Variants in GLB1L3 observed in about 807,000 individuals in gnomAD.
GLB1L3 encodes the protein galactosidase beta 1 like 3.
Under a neutral mutation model 89.5 loss-of-function variants are expected in GLB1L3, and 89 were observed. The ratio of observed to expected loss-of-function variants is 0.99; its 90% CI spans 0.84 to 1.19. The LOEUF (loss-of-function observed/expected upper bound fraction) is 1.19. Ranked by LOEUF, GLB1L3 falls within the 50% of genes most tolerant of loss-of-function variation. The pLI is 0.00. For missense variants in GLB1L3, 812 were observed against 813.3 expected, an observed-to-expected ratio of 1.00 and a Z score of 0.02; for synonymous variants, 314 against 312.3, an observed-to-expected ratio of 1.01 and a Z score of -0.06.
In GLB1L3 at chr11:134,308,229, C is replaced by CCATCACCATCAT. The variant is rs1565412539; in HGVS notation, c.961+1023_961+1024insTCACCATCATCA. On this transcript the variant is annotated intron_variant, in intron 10 of 19. Coordinates refer to ENST00000431683, the MANE Select transcript of GLB1L3 (RefSeq NM_001080407.3). ...ACCACCACCACCATCACCATCACCA[C>CCATCACCATCAT]CACCACCATCACCATCACCACCATC... 7.9e-5 allele frequency among the ~76,000 whole-genome samples: 2 copies of CCATCACCATCAT among 25,202 alleles called. 1 individual carries two copies. Among genetic ancestry groups the CCATCACCATCAT allele is most frequent in the Non-Finnish European group, 1.5e-4 (2 of 13,124 alleles). The allele number at this position is 25,202 out of a possible 152,430, so 16.5% of individuals were successfully genotyped here.
intron 6 of GLB1L3, chr11:134,287,114 T>C (rs1333256461): frequency 2.0e-5 from 3 of 152,028 alleles, no homozygotes; most frequent in Non-Finnish European, 2.9e-5. Flanking sequence ...GGAGCCAAGA[T>C]GGCGCCACCG....
intron 6 of GLB1L3, among the ~76,000 whole-genome samples, chr11:134,288,410 C>G (rs747219451): frequency 6.6e-6 from 1 of 152,154 alleles, no homozygotes; most frequent in African/African-American, 2.4e-5. Context: ...CCCAGAGCCA[C>G]GTTCCTGATC....
intron 7 of GLB1L3, among the ~76,000 whole-genome samples, chr11:134,289,612 C>G (rs1471727482): frequency 1.3e-5 from 2 of 152,166 alleles, no homozygotes; most frequent in Non-Finnish European, 2.9e-5. Context: ...TCTCTATGAC[C>G]CACGACTCTC....
intron 13 of GLB1L3, chr11:134,312,108 T>C (rs1481623959): frequency 6.5e-6 from 3 of 461,010 alleles, no homozygotes; most frequent in African/African-American, 5.9e-5. Flanking sequence ...ATTTCCTCTG[T>C]TAATCAGTTC....
At chr11:134,284,285 A>T (rs551498580) in intron 6 of GLB1L3, among the ~76,000 whole-genome samples, 1 of 152,210 alleles carries the variant, frequency 6.6e-6, no homozygotes, top group East Asian at 1.9e-4. Flanking sequence ...CTTTTTAGAG[A>T]TTTTATCAGC....
rs1031103809 is a variant in GLB1L3 at position 134,277,353 on chromosome 11, G to A, written c.51G>A (p.Ala17=). Residue 17 remains alanine (A), a synonymous_variant, in exon 2 of 20, where the codon GCG becomes GCA. Coordinates refer to ENST00000431683, the MANE Select transcript of GLB1L3 (RefSeq NM_001080407.3). ...LSPCLSWKRM[A]GIFFLPFISS... ...CGTGTCTCTCCTGGAAGAGAATGGC[G>A]GGCATCTTTTTCCTGCCATTTATCT... is the stretch of plus-strand genomic sequence containing the variant. The A allele has an allele frequency of 1.9e-6, 3 of 1,613,872 alleles. No individual in the cohort carries two copies. The African/African-American group carries it at 4.0e-5, about 22-fold the overall frequency.
At chr11:134,308,381 CACCACCATCACCACCAT>C in intron 10 of GLB1L3, among the ~76,000 whole-genome samples, 2 of 62,414 alleles carry the variant, frequency 3.2e-5, no homozygotes. Context: ...CCACCACCAT[CACCACCATCACCACCAT>C]CACCATCACC....
chr11:134,287,995 C>T (rs184532644), intron 6 of GLB1L3, among the ~76,000 whole-genome samples: 1 of 152,290 alleles, frequency 6.6e-6, no homozygotes, highest in East Asian at 1.9e-4. Context: ...ACAAAAAGCT[C>T]AGACCTTGGC....
chr11:134,312,920 G>T, intron 15 of GLB1L3, 33 bp downstream of exon 15: 1 of 1,419,434 alleles, frequency 7.0e-7, no homozygotes, highest in African/African-American at 1.4e-5. Context: ...TGATGCCCTC[G>T]ACCCCCCTCA....
chr11:134,315,712 A>G (rs778623646), intron 18 of GLB1L3, among the ~76,000 whole-genome samples: 1 of 152,130 alleles, frequency 6.6e-6, no homozygotes, highest in Non-Finnish European at 1.5e-5. Flanking sequence ...AACACTATCA[A>G]TTTTATTAAT....
At chr11:134,287,667 A>G (rs991248663) in intron 6 of GLB1L3, among the ~76,000 whole-genome samples, 32 of 152,250 alleles carry the variant, frequency 2.1e-4, no homozygotes, top group Admixed American at 6.5e-5. Flanking sequence ...GCTGAGCGCC[A>G]GGGCCTGTGT....
intron 9 of GLB1L3, among the ~76,000 whole-genome samples, chr11:134,304,679 T>A (rs1942103723): frequency 6.6e-6 from 1 of 152,178 alleles, no homozygotes; most frequent in African/African-American, 2.4e-5. Context: ...TTTAGCTCCT[T>A]ATATTTCCTT....
chr11:134,313,837 C>T lies in GLB1L3; in HGVS notation c.1580-104C>T, dbSNP rs143828562. 1.3e-3 allele frequency: 981 copies of T among 753,330 alleles called. 9 individuals are homozygous for T. In the Middle Eastern group the frequency reaches 0.015, roughly 12 times the overall value. 46.7% of individuals were successfully genotyped at this position (753,330 alleles called of 1,614,324 possible). On this transcript the variant is annotated intron_variant, in intron 16 of 19. Transcript: ENST00000431683. Reference sequence around the variant, plus strand: ...AAATGTTTGCCCTCCTGGCTGTGCCCCTGTCCTAAGGCATGTACAAGTCTG... The same window carrying T: ...AAATGTTTGCCCTCCTGGCTGTGCCTCTGTCCTAAGGCATGTACAAGTCTG...
At chr11:134,277,138 T>A (rs1940412013) in intron 1 of GLB1L3, 188 bp from the exon 2 acceptor site, 1 of 720,530 alleles carries the variant, frequency 1.4e-6, no homozygotes, top group African/African-American at 1.7e-5. Flanking sequence ...GCCTTCATCC[T>A]GGCTGCAGAG....
intron 11 of GLB1L3, 61 bp downstream of exon 11, chr11:134,309,824 G>C (rs1222305220): frequency 1.3e-6 from 2 of 1,578,840 alleles, no homozygotes; most frequent in Admixed American, 3.6e-5. Flanking sequence ...TTACAGAGGA[G>C]GCTCCGGAAG....
Position 134,283,745 on chromosome 11 carries a change from T to C in GLB1L3, c.536T>C (p.Leu179Pro), listed in dbSNP as rs746064989. 2.5e-6 allele frequency: 4 copies of C among 1,610,206 alleles called. No individual in the cohort carries two copies. The East Asian group carries it at 6.7e-5, about 27-fold the overall frequency. ...GCCCCTCTTGCCCCCAGCTGGCTCC[T>C]GCAAGACCCCCGGTTACTGTTGAGG... Reference protein sequence around the residue: ...MDLGGLPSWLLQDPRLLLRTT... With the variant: ...MDLGGLPSWLPQDPRLLLRTT... The change falls in exon 6 of 20, where the codon CTG (leucine) becomes CCG (proline). Residue 179 changes from leucine (L) to proline (P), a missense_variant. Physicochemically the swap from Leu to Pro is moderately conservative, Grantham distance 98. This residue lies in a region of GLB1L3 where 618 missense variants were observed against 604.0 expected (regional missense o/e 1.02). Coordinates refer to ENST00000431683, the MANE Select transcript of GLB1L3 (RefSeq NM_001080407.3).
At chr11:134,286,016 C>T (rs1427384887) in intron 6 of GLB1L3, among the ~76,000 whole-genome samples, 2 of 149,444 alleles carry the variant, frequency 1.3e-5, no homozygotes, top group East Asian at 2.0e-4. Flanking sequence ...TCAAGCAATT[C>T]TCCTGCCTCA....
At chr11:134,280,580 T>G (rs147482984) in intron 3 of GLB1L3, among the ~76,000 whole-genome samples, 204 of 152,336 alleles carry the variant, frequency 1.3e-3, no homozygotes, top group African/African-American at 4.6e-3. Flanking sequence ...TGGTAACTGA[T>G]GTATCCAGGT....
Position 134,314,323 on chromosome 11 carries a change from CT to C in GLB1L3, c.1668-5del, listed in dbSNP as rs796957138. ...TCTTCTCCCCCATGGCTTGGCCTTT[CT>C]TCCAGGCTCCGCTCTGCCACCTGGA... On this transcript the variant is annotated splice_polypyrimidine_tract_variant and splice_region_variant and intron_variant, in intron 17 of 19. Transcript: ENST00000431683. 2.6e-6 allele frequency: 4 copies of C among 1,540,186 alleles called. No homozygotes were observed. The African/African-American group carries it at 4.1e-5, about 16-fold the overall frequency.
Sources: gnomAD v4.1 joint callset for allele counts (sites outside exome capture counted in the v4.1 genomes callset) on GRCh38, gnomAD v4.1.1 for gene constraint, gnomAD v4.1.1 regional missense constraint, MANE v1.5 for transcripts, NCBI Gene and HGNC (gene_info 2026-07-23, HGNC 2026-07-21) for gene names.